DCAF6: variants seen among roughly 807,000 people sequenced by gnomAD.
DCAF6 encodes DDB1- and CUL4-associated factor 6.
DCAF6 carries 54 observed loss-of-function variants against 125.1 expected under a neutral mutation model. The observed-to-expected ratio is 0.43, with a 90% CI of 0.35 to 0.54. The LOEUF (loss-of-function observed/expected upper bound fraction) is 0.54, where lower values mean the gene tolerates loss of function less well. Among genes scored for constraint, DCAF6 ranks in the 20% least tolerant of loss-of-function variants. The probability of loss-of-function intolerance (pLI) is 0.01; values close to 1 mark genes in which losing one functional copy is unlikely to be tolerated. For synonymous variants in DCAF6, 371 were observed against 390.4 expected (o/e 0.95, Z 0.58); for missense variants, 934 against 1,161.7 (o/e 0.80, Z 2.85).
the DCAF6 span, among the ~76,000 whole-genome samples, chr1:167,908,171 A>G: frequency 2.6e-5 from 4 of 152,224 alleles, no homozygotes; most frequent in African/African-American, 9.6e-5. Flanking sequence ...CAACATATGA[A>G]TGGATAAAGA....
intron 12 of DCAF6, among the ~76,000 whole-genome samples, chr1:168,028,563 C>A (rs1686643473): frequency 6.6e-6 from 1 of 152,056 alleles, no homozygotes; most frequent in African/African-American, 2.4e-5. Context: ...TGAAAAATAT[C>A]AATGTTAATT....
At chr1:167,905,072 G>A in the DCAF6 span, 23 of 1,614,206 alleles carry the variant, frequency 1.4e-5, no homozygotes, top group Non-Finnish European at 8.5e-6. Flanking sequence ...CATAGACAAT[G>A]AGGTCTGGTA....
intron 2 of DCAF6, among the ~76,000 whole-genome samples, chr1:167,962,683 C>T (rs757169898): frequency 7.9e-5 from 12 of 152,018 alleles, no homozygotes; most frequent in South Asian, 2.1e-4. Flanking sequence ...AGGCTGGGTG[C>T]GGTGGCTCAC....
intron 7 of DCAF6, among the ~76,000 whole-genome samples, chr1:167,994,056 T>C (rs1358437176): frequency 6.7e-6 from 1 of 148,802 alleles, no homozygotes; most frequent in Non-Finnish European, 1.5e-5. Context: ...AAAAATAGTA[T>C]TTTTGTAATT....
intron 4 of DCAF6, among the ~76,000 whole-genome samples, chr1:167,976,948 G>T (rs1254130031): frequency 8.2e-6 from 1 of 121,944 alleles, no homozygotes; most frequent in African/African-American, 3.2e-5. Flanking sequence ...TTGTTGCCCA[G>T]GCTGAAGTGC....
At position 167,945,955 on chromosome 1, in the gene DCAF6, GTTTTTTT is replaced by G. The variant is rs1238443018; in HGVS notation, c.98-5832_98-5826del. Reference sequence around the variant, plus strand: ...CTGAATTCATTTACCAAATCTAAGGGTTTTTTTTTTTTTTTTTTTGAGACAGAATTTC... The same window carrying G: ...CTGAATTCATTTACCAAATCTAAGGGTTTTTTTTTTTTGAGACAGAATTTC... On this transcript the variant is annotated intron_variant, in intron 1 of 21. Coordinates refer to ENST00000367840, the MANE Select transcript of DCAF6 (RefSeq NM_001198956.2). Among the ~76,000 whole-genome samples, 4 of 123,936 alleles carry G rather than the reference GTTTTTTT, an allele frequency of 3.2e-5. No homozygotes were observed. In the South Asian group the frequency reaches 1.0e-3, roughly 31 times the overall value. The allele number at this position is 123,936 out of a possible 152,430, so 81.3% of individuals were successfully genotyped here. A position where few individuals can be genotyped will look rare whatever the true frequency, so the allele number is the denominator to read the frequency against.
intron 8 of DCAF6, 24 bp from the exon 9 acceptor site, chr1:168,003,846 C>G: frequency 6.4e-7 from 1 of 1,574,134 alleles, no homozygotes; most frequent in Non-Finnish European, 8.6e-7. Context: ...ACTAAACTCA[C>G]TGATAAGACC....
Position 167,936,890 on chromosome 1 carries a change from C to G in DCAF6, c.-22C>G. The G allele has an allele frequency of 1.3e-6, 2 of 1,564,150 alleles. No individual in the cohort carries two copies. Among genetic ancestry groups the G allele is most frequent in the Non-Finnish European group, 1.7e-6 (2 of 1,151,404 alleles). On this transcript the variant is annotated 5_prime_UTR_variant, in exon 1 of 22. Transcript: ENST00000367840. The stretch of plus-strand genomic sequence containing the variant: ...CCTCCCCCACGCGGTGGTCTCCCCT[C>G]CCACCCGGCTCAGGCAGAGCCATGT...
chr1:168,049,334 C>T (rs1312736898), intron 16 of DCAF6, among the ~76,000 whole-genome samples: 1 of 151,992 alleles, frequency 6.6e-6, no homozygotes, highest in East Asian at 1.9e-4. Flanking sequence ...CCTCATACTC[C>T]TGGGCTCAAG....
At chr1:168,018,614 T>C (rs900075979) in intron 11 of DCAF6, among the ~76,000 whole-genome samples, 1 of 152,214 alleles carries the variant, frequency 6.6e-6, no homozygotes, top group Non-Finnish European at 1.5e-5. Flanking sequence ...TCCAAAAATA[T>C]GGTTTTAAAA....
At chr1:167,952,984 C>T (rs60343684) in intron 2 of DCAF6, among the ~76,000 whole-genome samples, 1 of 152,022 alleles carries the variant, frequency 6.6e-6, no homozygotes, top group African/African-American at 2.4e-5. Flanking sequence ...GCTGAAGATC[C>T]ACCTTGCTGA....
chr1:167,877,097 G>C, the DCAF6 span, among the ~76,000 whole-genome samples: 1 of 151,690 alleles, frequency 6.6e-6, no homozygotes, highest in Non-Finnish European at 1.5e-5. Context: ...CACCACTGAA[G>C]TTTTGTGATT....
chr1:167,919,983 A>C, the DCAF6 span: 1 of 1,610,162 alleles, frequency 6.2e-7, no homozygotes. Context: ...GCTTACCTCC[A>C]AATACGAAAA....
At chr1:167,924,068 A>C in the DCAF6 span, among the ~76,000 whole-genome samples, 8 of 152,204 alleles carry the variant, frequency 5.3e-5, no homozygotes, top group African/African-American at 7.2e-5. Context: ...ACCAAATGCT[A>C]ATATTTATAT....
chr1:167,987,444 C>A, intron 4 of DCAF6, 51 bp from the exon 5 acceptor site: 1 of 866,412 alleles, frequency 1.2e-6, no homozygotes, highest in Non-Finnish European at 1.9e-6. Context: ...TTTTCAGAGC[C>A]GTCTGTTTAA....
chr1:167,989,839 C>T (rs945478539), intron 5 of DCAF6, among the ~76,000 whole-genome samples: 34 of 149,266 alleles, frequency 2.3e-4, no homozygotes, highest in Admixed American at 6.7e-4. Context: ...TCCAACCTGG[C>T]GACAGAGCAA....
At chr1:167,932,112 T>G (rs2102557464), upstream of DCAF6, among the ~76,000 whole-genome samples, 1 of 152,318 alleles carries the variant, frequency 6.6e-6, no homozygotes, top group South Asian at 2.1e-4. Flanking sequence ...CTATAATGCG[T>G]TAAAATGATA....
intron 12 of DCAF6, among the ~76,000 whole-genome samples, chr1:168,030,655 A>C (rs1267713679): frequency 6.6e-6 from 1 of 152,240 alleles, no homozygotes; most frequent in South Asian, 2.1e-4. Context: ...AGATTGAATG[A>C]CACAGGGATT....
chr1:167,873,074 GA>G, the DCAF6 span, among the ~76,000 whole-genome samples: 6 of 145,824 alleles, frequency 4.1e-5, no homozygotes, highest in Non-Finnish European at 6.1e-5. Flanking sequence ...TGTCTCAAAA[GA>G]AAAAAAAAAG....
Sources: gnomAD v4.1 joint callset for allele counts (sites outside exome capture counted in the v4.1 genomes callset) on GRCh38, gnomAD v4.1.1 for gene constraint, MANE v1.5 for transcripts, NCBI Gene and HGNC (gene_info 2026-07-23, HGNC 2026-07-21) for gene names.